NFIB: variants seen among roughly 807,000 people sequenced by gnomAD.
NFIB encodes the protein nuclear factor 1 B-type.
A neutral mutation model predicts 61.5 loss-of-function variants in NFIB; 11 were observed. The observed-to-expected ratio is 0.18, with a 90% CI of 0.11 to 0.30. NFIB has a LOEUF of 0.30. NFIB is among the 10% of genes least tolerant of loss of function. The probability of loss-of-function intolerance (pLI) is 1.00; values close to 1 mark genes in which losing one functional copy is unlikely to be tolerated. For missense variants in NFIB, 471 were observed against 608.9 expected (o/e 0.77, Z 2.38); for synonymous variants, 260 against 216.5 (o/e 1.20, Z -1.76).
chr9:14,517,536 A>G, the NFIB span, among the ~76,000 whole-genome samples: 20 of 152,122 alleles, frequency 1.3e-4, no homozygotes, highest in South Asian at 4.1e-4. Flanking sequence ...CCCTTGTCCT[A>G]TGTTACTTGA....
intron 2 of NFIB, among the ~76,000 whole-genome samples, chr9:14,188,482 C>A (rs2047615615): frequency 6.6e-6 from 1 of 152,158 alleles, no homozygotes; most frequent in Admixed American, 6.5e-5. Context: ...GAGAAATAAA[C>A]TAAAACATTA....
intron 10 of NFIB, among the ~76,000 whole-genome samples, chr9:14,110,594 T>C (rs916902346): frequency 1.3e-5 from 2 of 152,108 alleles, no homozygotes; most frequent in African/African-American, 4.8e-5. Context: ...TGGTCTCTTT[T>C]AAATCTTTGT....
At chr9:14,495,096 T>C in the NFIB span, among the ~76,000 whole-genome samples, 1 of 152,212 alleles carries the variant, frequency 6.6e-6, no homozygotes, top group African/African-American at 2.4e-5. Context: ...TTTGGAGATA[T>C]AGGCAAAATG....
At position 14,146,793 on chromosome 9, in the gene NFIB, G is replaced by A; in HGVS notation, c.821C>T (p.Thr274Ile). Residue 274 changes from threonine to isoleucine, a missense_variant, in exon 6 of 11, where the codon ACT (threonine) becomes ATT (isoleucine). Physicochemically the swap from Thr to Ile is moderately conservative, Grantham distance 89. Transcript: ENST00000380953. ...SSPPSSKRPKTISIDENMEPS... is the reference protein window; with the variant it reads ...SSPPSSKRPKIISIDENMEPS... ...TTCCATATTTTCATCTATGGATATA[G>A]TTTTGGGTCTTTTGCTGTTAAAATA... The A allele has an allele frequency of 1.2e-6, 2 of 1,604,898 alleles. No homozygotes were observed. Among genetic ancestry groups the A allele is most frequent in the Non-Finnish European group, 1.7e-6 (2 of 1,177,770 alleles).
chr9:14,177,845 C>T (rs1219656508), intron 3 of NFIB, among the ~76,000 whole-genome samples: 2 of 152,068 alleles, frequency 1.3e-5, no homozygotes, highest in Non-Finnish European at 2.9e-5. Flanking sequence ...TAAAGAGATG[C>T]TACATCGAAT....
intron 2 of NFIB, among the ~76,000 whole-genome samples, chr9:14,229,294 T>C (rs117027654): frequency 0.018 from 2,736 of 152,270 alleles, 23 homozygotes; most frequent in Non-Finnish European, 0.029. Context: ...AATTCAATCC[T>C]GAATGCAACT....
At chr9:14,344,134 G>GAGAA (rs1248077284) in intron 1 of NFIB, among the ~76,000 whole-genome samples, 235 of 148,122 alleles carry the variant, frequency 1.6e-3, no homozygotes, top group African/African-American at 5.6e-3. Flanking sequence ...GAGAGAGAGA[G>GAGAA]AAACACTAAG....
At chr9:14,459,761 G>T in the NFIB span, among the ~76,000 whole-genome samples, 1 of 151,406 alleles carries the variant, frequency 6.6e-6, no homozygotes, top group Non-Finnish European at 1.5e-5. Flanking sequence ...AAAGACACAT[G>T]AAAAAATGCT....
intron 2 of NFIB, among the ~76,000 whole-genome samples, chr9:14,253,630 G>T (rs1009847343): frequency 1.3e-5 from 2 of 151,818 alleles, no homozygotes; most frequent in Non-Finnish European, 2.9e-5. Flanking sequence ...CAGGAGTTAG[G>T]GACCACTCTG....
Position 14,266,438 on chromosome 9 carries a change from A to T in NFIB, c.562+40551T>A, listed in dbSNP as rs545924350. Among the ~76,000 whole-genome samples, 224 of 151,914 alleles carry T rather than the reference A, an allele frequency of 1.5e-3. 1 individual carries two copies. Among genetic ancestry groups the T allele is most frequent in the South Asian group, 0.011 (53 of 4,780 alleles). On this transcript the variant is annotated intron_variant, in intron 2 of 10. Coordinates refer to ENST00000380953, the MANE Select transcript of NFIB (RefSeq NM_001190737.2). ...AGACCCCCATTTCTAGAAAAAAAAA[A>T]TTTTTAAATAGCAGGGTATTGTGTC...
At chr9:14,440,276 C>A in the NFIB span, among the ~76,000 whole-genome samples, 13 of 152,268 alleles carry the variant, frequency 8.5e-5, no homozygotes, top group African/African-American at 3.1e-4. Context: ...AGAGCACACG[C>A]TGACTAGATT....
At chr9:14,331,297 T>C (rs1375283524) in intron 1 of NFIB, among the ~76,000 whole-genome samples, 2 of 152,206 alleles carry the variant, frequency 1.3e-5, no homozygotes, top group East Asian at 3.9e-4. Flanking sequence ...CCCAAGCCCG[T>C]TGCCATAGCT....
intron 2 of NFIB, among the ~76,000 whole-genome samples, chr9:14,299,420 G>T (rs889509901): frequency 2.0e-5 from 3 of 152,114 alleles, no homozygotes; most frequent in Non-Finnish European, 2.9e-5. Flanking sequence ...CTATTAAGTT[G>T]ACTATTTTGA....
chr9:14,158,171 C>CA (rs2043683120), intron 3 of NFIB, among the ~76,000 whole-genome samples: 1 of 151,604 alleles, frequency 6.6e-6, no homozygotes, highest in Non-Finnish European at 1.5e-5. Flanking sequence ...ATCATGACTA[C>CA]AGCTCATATA....
chr9:14,301,626 A>G (rs543934549), intron 2 of NFIB, among the ~76,000 whole-genome samples: 1 of 151,560 alleles, frequency 6.6e-6, no homozygotes, highest in East Asian at 1.9e-4. Context: ...AGATCATATT[A>G]ACTGCAATGC....
chr9:14,097,313 G>A (rs1445817222), intron 10 of NFIB, among the ~76,000 whole-genome samples: 1 of 152,126 alleles, frequency 6.6e-6, no homozygotes, highest in African/African-American at 2.4e-5. Flanking sequence ...CATAGTCCCA[G>A]AGTGGTGCTA....
At chr9:14,134,109 T>C (rs2040723259) in intron 6 of NFIB, among the ~76,000 whole-genome samples, 1 of 152,110 alleles carries the variant, frequency 6.6e-6, no homozygotes, top group South Asian at 2.1e-4. Flanking sequence ...AAGAGGTGCA[T>C]GGGTAAAGTC....
chr9:14,345,756 G>A (rs2061009923), intron 1 of NFIB, among the ~76,000 whole-genome samples: 1 of 152,138 alleles, frequency 6.6e-6, no homozygotes, highest in Admixed American at 6.5e-5. Context: ...GTTAGGTAAA[G>A]AGTTAAGAAG....
the NFIB span, among the ~76,000 whole-genome samples, chr9:14,404,532 C>T: frequency 6.6e-6 from 1 of 152,082 alleles, no homozygotes; most frequent in Non-Finnish European, 1.5e-5. Flanking sequence ...AAATTGTTTC[C>T]TTTGATTTAG....
Sources: allele counts gnomAD v4.1 joint callset (sites outside exome capture counted in the v4.1 genomes callset), GRCh38; gene constraint gnomAD v4.1.1; transcripts MANE v1.5; gene names NCBI Gene and HGNC (gene_info 2026-07-23, HGNC 2026-07-21).